Variants in UGT2B17 observed in about 807,000 individuals in gnomAD.
UGT2B17 encodes the protein UDP glucuronosyltransferase family 2 member B17, also known as UDP-glucuronosyltransferase 2B17.
UGT2B17 carries 21 observed loss-of-function variants against 48.2 expected under a neutral mutation model. That is an observed-to-expected ratio of 0.44 (90% CI 0.31 to 0.63). The LOEUF is 0.63. Among genes scored for constraint, UGT2B17 ranks in the 20% least tolerant of loss-of-function variants. The pLI is 0.08. For missense variants in UGT2B17, 402 were observed against 696.1 expected, an observed-to-expected ratio of 0.58 and a Z score of 4.75; for synonymous variants, 146 against 238.4, an observed-to-expected ratio of 0.61 and a Z score of 3.57.
At chr4:68,562,634 T>G (rs1277730127) in intron 3 of UGT2B17, among the ~76,000 whole-genome samples, 1 of 126,296 alleles carries the variant, frequency 7.9e-6, no homozygotes, top group Non-Finnish European at 1.7e-5. Context: ...TTCTGTGACG[T>G]CTTTATGAAA....
In UGT2B17 at chr4:68,573,066, C is replaced by A. The variant is rs186729894; in HGVS notation, c.-65+2885G>T. 1.6e-5 allele frequency among the ~76,000 whole-genome samples: 2 copies of A among 127,516 alleles called. 1 individual carries two copies. Among genetic ancestry groups the A allele is most frequent in the South Asian group, 6.8e-4 (2 of 2,950 alleles). The allele number at this position is 127,516 out of a possible 152,430, so 83.7% of individuals were successfully genotyped here. On this transcript the variant is annotated intron_variant, in intron 1 of 6. Coordinates refer to ENST00000317746, the MANE Select transcript of UGT2B17 (RefSeq NM_001077.4). ...ATCTAGTTAGTCTATCATTTATTAG[C>A]TAATGATGTCCTTTGGTATTTATTA... is the stretch of plus-strand genomic sequence containing the variant.
rs1265241805 is a variant in UGT2B17 at position 68,541,444 on chromosome 4, T to C, written c.1314-3540A>G. 2.4e-5 allele frequency among the ~76,000 whole-genome samples: 3 copies of C among 126,692 alleles called. 1 individual carries two copies. Among genetic ancestry groups the C allele is most frequent in the Non-Finnish European group, 5.0e-5 (3 of 59,728 alleles). 83.1% of individuals were successfully genotyped at this position (126,692 alleles called of 152,430 possible). On this transcript the variant is annotated intron_variant, in intron 6 of 6. Transcript: ENST00000317746. ...AAGTGTGTTGGCTGCATAAATGTAT[T>C]TTTTTGAGAAGTGTCTGTTTATATC...
rs996193896 is a variant in UGT2B17, at chr4:68,546,447, T to C, written c.1313+4230A>G. 4.7e-5 allele frequency among the ~76,000 whole-genome samples: 6 copies of C among 126,418 alleles called. 1 individual carries two copies. Among genetic ancestry groups the C allele is most frequent in the Admixed American group, 4.1e-4 (5 of 12,314 alleles). 82.9% of individuals were successfully genotyped at this position (126,418 alleles called of 152,430 possible). On this transcript the variant is annotated intron_variant, in intron 6 of 6. Coordinates refer to ENST00000317746, the MANE Select transcript of UGT2B17 (RefSeq NM_001077.4). ...ATCTCCAAATAATAAGAGTTATCTA[T>C]GACAAACCCACAGCAAATATCATGT...
In UGT2B17 at chr4:68,547,925, C is replaced by A. The variant is rs1351932180; in HGVS notation, c.1313+2752G>T. On this transcript the variant is annotated intron_variant, in intron 6 of 6. Coordinates refer to ENST00000317746, the MANE Select transcript of UGT2B17 (RefSeq NM_001077.4). ...GGCAATCATTAAAAAGTCAGGAAACCACAGGTGCTGGAGAGGATATGGAGA... is the reference window on the plus strand; with the variant it reads ...GGCAATCATTAAAAAGTCAGGAAACAACAGGTGCTGGAGAGGATATGGAGA... Among the ~76,000 whole-genome samples the A allele has an allele frequency of 3.3e-4, 42 of 125,844 alleles. 9 individuals are homozygous for A. Among genetic ancestry groups the A allele is most frequent in the Non-Finnish European group, 6.1e-4 (36 of 59,396 alleles). 82.6% of individuals were successfully genotyped at this position (125,844 alleles called of 152,430 possible).
chr4:68,537,354 TG>T lies in UGT2B17; in HGVS notation c.*270del, dbSNP rs1224301500. 9.8e-6 allele frequency: 2 copies of T among 203,944 alleles called. No homozygotes were observed. The highest frequency in any genetic ancestry group is 1.7e-5 in the Non-Finnish European group (2 of 118,422). The allele number at this position is 203,944 out of a possible 1,614,324, so 12.6% of individuals were successfully genotyped here. A position where few individuals can be genotyped will look rare whatever the true frequency, so the allele number is the denominator to read the frequency against. On this transcript the variant is annotated 3_prime_UTR_variant, in exon 7 of 7. Transcript: ENST00000317746. Reference sequence around the variant, plus strand: ...ATAAGGAAGCTCAGTAACTTTTGTGTGGGGTAACTTTTGGATTAGAATAATA... The same window carrying T: ...ATAAGGAAGCTCAGTAACTTTTGTGTGGGTAACTTTTGGATTAGAATAATA...
In UGT2B17 at chr4:68,544,997, G is replaced by A. The variant is rs1375256217; in HGVS notation, c.1313+5680C>T. Among the ~76,000 whole-genome samples the A allele has an allele frequency of 5.6e-5, 7 of 125,494 alleles. 2 individuals are homozygous for A. The highest frequency in any genetic ancestry group is 7.5e-4 in the South Asian group (2 of 2,654). The allele number at this position is 125,494 out of a possible 152,430, so 82.3% of individuals were successfully genotyped here. On this transcript the variant is annotated intron_variant, in intron 6 of 6. Transcript: ENST00000317746. Reference sequence around the variant, plus strand: ...TAATGGGACACTTTAACAAACCACCGTCAACATTAGACAGATCAACGAGAA... The same window carrying A: ...TAATGGGACACTTTAACAAACCACCATCAACATTAGACAGATCAACGAGAA...
Position 68,567,955 on chromosome 4 carries a change from A to G in UGT2B17, c.530T>C (p.Val177Ala), listed in dbSNP as rs1578172919. 5.8e-6 allele frequency: 8 copies of G among 1,381,378 alleles called. 2 individuals carry two copies. The highest frequency in any genetic ancestry group is 5.7e-6 in the Non-Finnish European group (6 of 1,055,144). 85.6% of individuals were successfully genotyped at this position (1,381,378 alleles called of 1,614,324 possible). Residue 177 changes from valine (V) to alanine (A), a missense_variant, in exon 2 of 7, where the codon GTT becomes GCT. By Grantham distance (64) the Val-to-Ala change is moderately conservative. Transcript: ENST00000317746. The part of the protein sequence containing the change: ...IPFLYSLRFS[V>A]GYTVEKNGGG... ...ACCATTCTTCTCAACTGTGTAGCCA[A>G]CAGAGAAGCGGAGACTGTACAGAAA... is the stretch of plus-strand genomic sequence containing the variant.
In UGT2B17 at chr4:68,537,581, G is replaced by A. The variant is rs778123044; in HGVS notation, c.*44C>T. ...AAACCCTCCATGCTGGAATAAAGGA[G>A]GAGTCCCATCTTTTGGTCATTCCAC... On this transcript the variant is annotated 3_prime_UTR_variant, in exon 7 of 7. Transcript: ENST00000317746. 7.8e-7 allele frequency: 1 copy of A among 1,284,380 alleles called. No individual in the cohort carries two copies. Among genetic ancestry groups the A allele is most frequent in the African/African-American group, 1.5e-5 (1 of 65,754 alleles). 79.6% of individuals were successfully genotyped at this position (1,284,380 alleles called of 1,614,324 possible). A position where few individuals can be genotyped will look rare whatever the true frequency, so the allele number is the denominator to read the frequency against.
rs1251114670 is a variant in UGT2B17 at position 68,552,030 on chromosome 4, A to G, written c.1006-119T>C. Reference sequence around the variant, plus strand: ...TATAAAAGATGAAGAAATAAGAAGAAGTGATGTCAAGTAATGAGAACTACT... The same window carrying G: ...TATAAAAGATGAAGAAATAAGAAGAGGTGATGTCAAGTAATGAGAACTACT... On this transcript the variant is annotated intron_variant, in intron 4 of 6. Coordinates refer to ENST00000317746, the MANE Select transcript of UGT2B17 (RefSeq NM_001077.4). 41 of 699,020 alleles carry G rather than the reference A, an allele frequency of 5.9e-5. 7 individuals are homozygous for G. Among genetic ancestry groups the G allele is most frequent in the Non-Finnish European group, 7.2e-5 (37 of 511,818 alleles). 43.3% of individuals were successfully genotyped at this position (699,020 alleles called of 1,614,324 possible). A position where few individuals can be genotyped will look rare whatever the true frequency, so the allele number is the denominator to read the frequency against.
At chr4:68,541,899 G>A (rs1469293372) in intron 6 of UGT2B17, among the ~76,000 whole-genome samples, 1 of 126,368 alleles carries the variant, frequency 7.9e-6, no homozygotes, top group Non-Finnish European at 1.7e-5. Context: ...TATTAAATAG[G>A]GAATCCTTTC....
intron 6 of UGT2B17, among the ~76,000 whole-genome samples, chr4:68,543,403 C>A (rs1032229628): frequency 7.9e-6 from 1 of 125,844 alleles, no homozygotes; most frequent in African/African-American, 2.7e-5. Flanking sequence ...AACTAACAAA[C>A]GGAAAGGACA....
In UGT2B17 at chr4:68,550,599, A is replaced by T. The variant is rs1389594270; in HGVS notation, c.1313+78T>A. 3.9e-5 allele frequency: 43 copies of T among 1,112,448 alleles called. 6 individuals carry two copies. The highest frequency in any genetic ancestry group is 4.6e-5 in the Non-Finnish European group (39 of 840,534). The allele number at this position is 1,112,448 out of a possible 1,614,324, so 68.9% of individuals were successfully genotyped here. A position where few individuals can be genotyped will look rare whatever the true frequency, so the allele number is the denominator to read the frequency against. On this transcript the variant is annotated intron_variant, in intron 6 of 6. Transcript: ENST00000317746. ...CAATCCCTTCAAAATTAGTCTCTTA[A>T]CAAAGGGTTCAAACTCATATTCACT... is the stretch of plus-strand genomic sequence containing the variant.
intron 4 of UGT2B17, among the ~76,000 whole-genome samples, chr4:68,556,612 A>T (rs1731006022): frequency 1.6e-5 from 2 of 126,368 alleles, no homozygotes; most frequent in African/African-American, 5.4e-5. Context: ...CAGATTAACA[A>T]GGTTTTCTTG....
At chr4:68,545,268 A>T (rs1182995222) in intron 6 of UGT2B17, among the ~76,000 whole-genome samples, 2 of 126,328 alleles carry the variant, frequency 1.6e-5, no homozygotes, top group African/African-American at 5.4e-5. Context: ...GGATTAAGAA[A>T]CTCACTCAAA....
rs1730897636 is a variant in UGT2B17 at position 68,550,677 on chromosome 4, A to G, written c.1313T>C (p.Ile438Thr). ...NALKSVINDP[I>T]YKENIMKLSR... ...CTGGTCACAAAATTGTAATACTCACATAGGGTCATTAATGACTGACTTCAA... is the reference window on the plus strand; with the variant it reads ...CTGGTCACAAAATTGTAATACTCACGTAGGGTCATTAATGACTGACTTCAA... The change falls in exon 6 of 7, where the codon ATC (isoleucine) becomes ACC (threonine). Residue 438 changes from isoleucine (I) to threonine (T), a missense_variant and splice_region_variant. Physicochemically the swap from Ile to Thr is moderately conservative, Grantham distance 89. This residue lies in a region of UGT2B17 where 156 missense variants were observed against 258.6 expected (regional missense o/e 0.60). Transcript: ENST00000317746. 7.3e-7 allele frequency: 1 copy of G among 1,375,512 alleles called. No homozygotes were observed. The highest frequency in any genetic ancestry group is 9.5e-7 in the Non-Finnish European group (1 of 1,052,424). The allele number at this position is 1,375,512 out of a possible 1,614,324, so 85.2% of individuals were successfully genotyped here.
rs1240843432 is a variant in UGT2B17, at chr4:68,574,104, A to G, written c.-65+1847T>C. On this transcript the variant is annotated intron_variant, in intron 1 of 6. Transcript: ENST00000317746. ...TGCTTTTGTTTATTGTGTAGTTGGAATATTTGATCCATTTCAACCAGGCAT... is the reference window on the plus strand; with the variant it reads ...TGCTTTTGTTTATTGTGTAGTTGGAGTATTTGATCCATTTCAACCAGGCAT... 3.9e-5 allele frequency among the ~76,000 whole-genome samples: 5 copies of G among 126,972 alleles called. 1 individual carries two copies. Among genetic ancestry groups the G allele is most frequent in the African/African-American group, 5.4e-5 (2 of 37,028 alleles). The allele number at this position is 126,972 out of a possible 152,430, so 83.3% of individuals were successfully genotyped here. A position where few individuals can be genotyped will look rare whatever the true frequency, so the allele number is the denominator to read the frequency against.
chr4:68,537,812 A>T lies in UGT2B17; in HGVS notation c.1406T>A (p.Met469Lys). ...AAGGTGCTTGGCTCCTTTATGGCGC[A>T]TGACAAACTCAATCCAGAAGACTGC... ...DRAVFWIEFVMRHKGAKHLRV... is the reference protein window; with the variant it reads ...DRAVFWIEFVKRHKGAKHLRV... The change falls in exon 7 of 7, where the codon ATG (methionine) becomes AAG (lysine). Residue 469 changes from methionine (M) to lysine (K), a missense_variant. Physicochemically the swap from Met to Lys is moderately conservative, Grantham distance 95 (BLOSUM62 -1). Coordinates refer to ENST00000317746, the MANE Select transcript of UGT2B17 (RefSeq NM_001077.4). The T allele has an allele frequency of 2.2e-6, 3 of 1,379,988 alleles. 1 individual carries two copies. The highest frequency in any genetic ancestry group is 2.8e-6 in the Non-Finnish European group (3 of 1,055,124). The allele number at this position is 1,379,988 out of a possible 1,614,324, so 85.5% of individuals were successfully genotyped here.
intron 6 of UGT2B17, among the ~76,000 whole-genome samples, chr4:68,545,356 A>C (rs1295169055): frequency 1.6e-5 from 2 of 126,332 alleles, no homozygotes; most frequent in African/African-American, 5.4e-5. Context: ...GGCAGAATTA[A>C]AGATGTTCTT....
Position 68,558,271 on chromosome 4 carries a change from A to G in UGT2B17, c.1005+2266T>C, listed in dbSNP as rs1398500624. Among the ~76,000 whole-genome samples, 2 of 124,576 alleles carry G rather than the reference A, an allele frequency of 1.6e-5. 1 individual carries two copies. The highest frequency in any genetic ancestry group is 5.4e-5 in the African/African-American group (2 of 36,730). The allele number at this position is 124,576 out of a possible 152,430, so 81.7% of individuals were successfully genotyped here. ...TTCTAGTCTTGCCTAATGTTTTTCAATTTTTATTACTGTCTACAGTTTGGA... is the reference window on the plus strand; with the variant it reads ...TTCTAGTCTTGCCTAATGTTTTTCAGTTTTTATTACTGTCTACAGTTTGGA... On this transcript the variant is annotated intron_variant, in intron 4 of 6. Coordinates refer to ENST00000317746, the MANE Select transcript of UGT2B17 (RefSeq NM_001077.4).
Sources: allele counts gnomAD v4.1 joint callset (sites outside exome capture counted in the v4.1 genomes callset), GRCh38; gene constraint gnomAD v4.1.1; regional missense constraint gnomAD v4.1.1; transcripts MANE v1.5; gene names NCBI Gene and HGNC (gene_info 2026-07-23, HGNC 2026-07-21).